CPLANE1: variants seen among roughly 807,000 people sequenced by gnomAD.
CPLANE1 encodes ciliogenesis and planar polarity effector 1.
A neutral mutation model predicts 362.5 loss-of-function variants in CPLANE1; 263 were observed. That is an observed-to-expected ratio of 0.73 (90% CI 0.66 to 0.80). CPLANE1 has a LOEUF of 0.80. Ranked by LOEUF, CPLANE1 falls within the 30% of genes least tolerant of loss-of-function variation. The pLI is 0.00. For synonymous variants in CPLANE1, 1,212 were observed against 1,302.6 expected (o/e 0.93, Z 1.50); for missense variants, 3,461 against 3,793.4 (o/e 0.91, Z 2.30).
intron 46 of CPLANE1, 35 bp from the exon 47 acceptor site, chr5:37,125,444 T>C (rs374344510): frequency 9.8e-5 from 155 of 1,588,476 alleles, no homozygotes; most frequent in Admixed American, 2.1e-4. Flanking sequence ...TCATTTGCTT[T>C]TAAATTTGTT....
intron 50 of CPLANE1, among the ~76,000 whole-genome samples, chr5:37,119,667 G>A (rs1348299038): frequency 1.4e-5 from 2 of 143,260 alleles, no homozygotes; most frequent in Admixed American, 1.4e-4. Context: ...GTGAAACTCC[G>A]TCTCAAAAAA....
Position 37,209,382 on chromosome 5 carries a change from A to G in CPLANE1, c.2921-2957T>C. 5 of 1,143,322 alleles carry G rather than the reference A, an allele frequency of 4.4e-6. No individual in the cohort carries two copies. In the South Asian group the frequency reaches 6.1e-5, roughly 14 times the overall value. The allele number at this position is 1,143,322 out of a possible 1,614,324, so 70.8% of individuals were successfully genotyped here. A position where few individuals can be genotyped will look rare whatever the true frequency, so the allele number is the denominator to read the frequency against. On this transcript the variant is annotated intron_variant, in intron 16 of 52. Coordinates refer to ENST00000651892, the MANE Select transcript of CPLANE1 (RefSeq NM_001384732.1). This position sits in a 1 kb window ranked among gnomAD's most constrained non-coding sequence, Gnocchi z 4.6. Reference sequence around the variant, plus strand: ...ACGGCTGATGATGGCTCAGTCCAACATGCTCCCCGTGGCTGATGTGTTGAG... The same window carrying G: ...ACGGCTGATGATGGCTCAGTCCAACGTGCTCCCCGTGGCTGATGTGTTGAG...
the CPLANE1 span, among the ~76,000 whole-genome samples, chr5:37,098,858 C>CACA: frequency 6.9e-5 from 10 of 144,154 alleles, no homozygotes; most frequent in Admixed American, 2.8e-4. Context: ...CACAATGTAC[C>CACA]ACAACCTATG....
chr5:37,081,758 C>T, the CPLANE1 span, among the ~76,000 whole-genome samples: 2 of 152,154 alleles, frequency 1.3e-5, no homozygotes, highest in Non-Finnish European at 2.9e-5. Context: ...GGAACTTCCA[C>T]AAGAATACAT....
chr5:37,234,620 C>T (rs1273353923), intron 8 of CPLANE1, among the ~76,000 whole-genome samples: 2 of 151,490 alleles, frequency 1.3e-5, no homozygotes, highest in African/African-American at 4.8e-5. Flanking sequence ...GTGCCGAAAA[C>T]CTATTTAAAA....
Position 37,182,943 on chromosome 5 carries a change from CA to C in CPLANE1, c.5237del (p.Leu1746ArgfsTer5). ...TAGACCACCTTATCATCCATTCCAG[CA>C]GTCTTCCTATACTGCCAAAAGTGTT... Reference protein sequence around the residue: ...ALNTFGSIGRLLEWMIRWSNR... With the variant: ...ALNTFGSIGRXLEWMIRWSNR... On this transcript the variant is annotated frameshift_variant, in exon 26 of 53. Coordinates refer to ENST00000651892, the MANE Select transcript of CPLANE1 (RefSeq NM_001384732.1). 6.2e-7 allele frequency: 1 copy of C among 1,604,644 alleles called. No individual in the cohort carries two copies. The highest frequency in any genetic ancestry group is 8.5e-7 in the Non-Finnish European group (1 of 1,176,042).
intron 46 of CPLANE1, among the ~76,000 whole-genome samples, chr5:37,137,589 A>T (rs1249828754): frequency 6.6e-6 from 1 of 152,252 alleles, no homozygotes; most frequent in African/African-American, 2.4e-5. Flanking sequence ...TATAAACGAA[A>T]GAGGTGTAAT....
chr5:37,107,476 A>G lies in CPLANE1; in HGVS notation c.*126T>C. ...CTGGTAATGGCTAATCCAGGTAATA[A>G]TATGAAAGCAAATGGAAAATTCACA... On this transcript the variant is annotated 3_prime_UTR_variant, in exon 53 of 53. Coordinates refer to ENST00000651892, the MANE Select transcript of CPLANE1 (RefSeq NM_001384732.1). 2 of 1,317,466 alleles carry G rather than the reference A, an allele frequency of 1.5e-6. No homozygotes were observed. Among genetic ancestry groups the G allele is most frequent in the Non-Finnish European group, 1.9e-6 (2 of 1,026,480 alleles). The allele number at this position is 1,317,466 out of a possible 1,614,324, so 81.6% of individuals were successfully genotyped here. A position where few individuals can be genotyped will look rare whatever the true frequency, so the allele number is the denominator to read the frequency against.
At chr5:37,140,859 T>A (rs1769499771) in intron 44 of CPLANE1, 1 of 982,102 alleles carries the variant, frequency 1.0e-6, no homozygotes, top group Non-Finnish European at 1.2e-6. Flanking sequence ...CATGGACTTT[T>A]TTTTTTTTTC....
chr5:37,189,805 C>T (rs903979377), intron 21 of CPLANE1, among the ~76,000 whole-genome samples: 3 of 152,078 alleles, frequency 2.0e-5, no homozygotes, highest in Non-Finnish European at 4.4e-5. Flanking sequence ...TCGAGACCAG[C>T]CTGGTCAACC....
At chr5:37,098,552 A>G in the CPLANE1 span, among the ~76,000 whole-genome samples, 2 of 152,176 alleles carry the variant, frequency 1.3e-5, no homozygotes, top group Admixed American at 6.5e-5. Flanking sequence ...TAACAGCTAC[A>G]GAGTATATAT....
Position 37,226,448 on chromosome 5 carries a change from C to T in CPLANE1, c.2147G>A (p.Gly716Glu). 1 of 1,551,126 alleles carries T rather than the reference C, an allele frequency of 6.4e-7. No individual in the cohort carries two copies. The highest frequency in any genetic ancestry group is 1.4e-5 in the African/African-American group (1 of 73,150). ...TGAGTCTTGAGCTGTTATTTTACTT[C>T]CATCAGCTGATGCTGAAATAACTTC... ...QPEVISASAD[G>E]SKITAQDSLV... is the part of the protein sequence containing the mutation. The change falls in exon 12 of 53, where the codon GGA (glycine) becomes GAA (glutamate). Residue 716 changes from glycine to glutamate, a missense_variant. Transcript: ENST00000651892.
At chr5:37,248,302 G>C (rs1433296645) in intron 1 of CPLANE1, among the ~76,000 whole-genome samples, 1 of 148,394 alleles carries the variant, frequency 6.7e-6, no homozygotes, top group Non-Finnish European at 1.5e-5. Context: ...TAATTTTTTT[G>C]TATTTTTAGT....
rs747382965 is a variant in CPLANE1, at chr5:37,198,817, T to C, written c.3557A>G (p.Lys1186Arg). Residue 1186 changes from lysine to arginine, a missense_variant, in exon 20 of 53, where the codon AAG (lysine) becomes AGG (arginine). Lys to Arg is a conservative substitution (Grantham distance 26). Coordinates refer to ENST00000651892, the MANE Select transcript of CPLANE1 (RefSeq NM_001384732.1). Reference protein sequence around the residue: ...LLKAEKNNRQKVSGILQRVLL... With the variant: ...LLKAEKNNRQRVSGILQRVLL... ...AACACGCTGAAGGATTCCAGATACC[T>C]TCTGGCGATTATTTTTTTCAGCTTT... 23 of 1,613,950 alleles carry C rather than the reference T, an allele frequency of 1.4e-5. No individual in the cohort carries two copies. Among genetic ancestry groups the C allele is most frequent in the Admixed American group, 1.0e-4 (6 of 59,988 alleles).
At chr5:37,107,886 G>A (rs1346971678) in intron 52 of CPLANE1, 108 bp from the exon 53 acceptor site, 2 of 1,438,172 alleles carry the variant, frequency 1.4e-6, no homozygotes, top group Non-Finnish European at 9.2e-7. Flanking sequence ...TTCTAGAGTT[G>A]CTCATCCATC....
At chr5:37,225,616 C>G (rs550007685) in intron 12 of CPLANE1, among the ~76,000 whole-genome samples, 1 of 152,170 alleles carries the variant, frequency 6.6e-6, no homozygotes, top group East Asian at 2.0e-4. Context: ...CTTTGGGAGG[C>G]TGAAGCGGGC....
At chr5:37,087,611 C>G in the CPLANE1 span, among the ~76,000 whole-genome samples, 1 of 152,298 alleles carries the variant, frequency 6.6e-6, no homozygotes, top group East Asian at 1.9e-4. Flanking sequence ...CGCCCACCAC[C>G]ACGCCCGGCT....
Position 37,183,622 on chromosome 5 carries a change from T to A in CPLANE1, c.4559A>T (p.Asn1520Ile). ...DKRKMCNQKE[N>I]PTKKEDHEKL... The stretch of plus-strand genomic sequence containing the variant: ...TTCATGATCTTCTTTCTTTGTAGGA[T>A]TTTCTTTCTGATTACACATTTTCCT... Residue 1520 changes from asparagine to isoleucine, a missense_variant, in exon 26 of 53, where the codon AAT becomes ATT. Asn to Ile is a moderately radical substitution (Grantham distance 149, BLOSUM62 -3). Transcript: ENST00000651892. 6.2e-7 allele frequency: 1 copy of A among 1,612,628 alleles called. No homozygotes were observed. Among genetic ancestry groups the A allele is most frequent in the Non-Finnish European group, 8.5e-7 (1 of 1,179,446 alleles).
intron 15 of CPLANE1, among the ~76,000 whole-genome samples, chr5:37,215,092 C>G (rs1310419277): frequency 5.3e-5 from 8 of 151,950 alleles, no homozygotes; most frequent in Admixed American, 4.6e-4. Context: ...TTTTATTGCC[C>G]AGGCTGGAGT....
Sources: gnomAD v4.1 joint callset for allele counts (sites outside exome capture counted in the v4.1 genomes callset) on GRCh38, gnomAD v4.1.1 for gene constraint, Gnocchi (gnomAD v3.1) non-coding constraint, MANE v1.5 for transcripts, NCBI Gene and HGNC (gene_info 2026-07-23, HGNC 2026-07-21) for gene names.